The following INO80 variants were observed in gnomAD, a reference collection of about 807,000 sequenced individuals.
INO80 encodes the protein chromatin-remodeling ATPase INO80.
INO80 carries 20 observed loss-of-function variants against 203.4 expected under a neutral mutation model. The ratio of observed to expected loss-of-function variants is 0.10; its 90% confidence interval spans 0.07 to 0.14. INO80 has a LOEUF of 0.14. Among genes scored for constraint, INO80 ranks in the 10% least tolerant of loss-of-function variants. The pLI, the probability that INO80 is intolerant of heterozygous loss-of-function variation, is 1.00. For synonymous variants in INO80, 726 were observed against 685.2 expected, an observed-to-expected ratio of 1.06 and a Z score of -0.93; for missense variants, 1,419 against 1,914.4, an observed-to-expected ratio of 0.74 and a Z score of 4.83.
chr15:41,007,464 T>TG (rs2044063547), intron 27 of INO80, among the ~76,000 whole-genome samples: 1 of 152,096 alleles, frequency 6.6e-6, no homozygotes, highest in South Asian at 2.1e-4. Flanking sequence ...ATTACAGGTG[T>TG]GACCCACTGA....
intron 16 of INO80, among the ~76,000 whole-genome samples, chr15:41,057,535 G>A (rs1256997710): frequency 1.3e-5 from 2 of 151,410 alleles, no homozygotes; most frequent in African/African-American, 4.9e-5. Flanking sequence ...AAGGGCTCAC[G>A]CCTGTAATCC....
rs193233758 is a variant in INO80, at chr15:41,045,092, C to G, written c.2736-17G>C. The stretch of plus-strand genomic sequence containing the variant: ...GCTAACCATCTGAAACAAACCACAG[C>G]AGACACGCTTATTCAGTGCTCCATG... On this transcript the variant is annotated splice_polypyrimidine_tract_variant and intron_variant, in intron 23 of 35. Coordinates refer to ENST00000648947, the MANE Select transcript of INO80 (RefSeq NM_017553.3). 5.0e-6 allele frequency: 8 copies of G among 1,589,418 alleles called. No individual in the cohort carries two copies. The highest frequency in any genetic ancestry group is 5.1e-6 in the Non-Finnish European group (6 of 1,172,576).
chr15:41,018,229 T>C (rs1466298835), intron 26 of INO80: 4 of 152,204 alleles, frequency 2.6e-5, no homozygotes, highest in Non-Finnish European at 5.9e-5. Flanking sequence ...CATTTAGATA[T>C]ACTCTCTTAG....
At chr15:40,993,575 G>A (rs1365270890) in intron 29 of INO80, among the ~76,000 whole-genome samples, 3 of 151,816 alleles carry the variant, frequency 2.0e-5, no homozygotes, top group Non-Finnish European at 4.4e-5. Context: ...CCTGGCCAAC[G>A]TGGTAAAACC....
chr15:41,023,629 C>T (rs542375689), intron 25 of INO80, among the ~76,000 whole-genome samples: 3 of 151,702 alleles, frequency 2.0e-5, no homozygotes, highest in South Asian at 2.1e-4. Flanking sequence ...ATTAGCTGGG[C>T]ATGGTGGTGC....
rs1367403040 is a variant in INO80 at position 40,979,199 on chromosome 15, G to T, written c.*1024C>A. The T allele has an allele frequency of 6.6e-6, 1 of 152,564 alleles. No individual in the cohort carries two copies. Among genetic ancestry groups the T allele is most frequent in the African/African-American group, 2.4e-5 (1 of 41,406 alleles). 9.5% of individuals were successfully genotyped at this position (152,564 alleles called of 1,614,324 possible). On this transcript the variant is annotated 3_prime_UTR_variant, in exon 36 of 36. Transcript: ENST00000648947. Reference sequence around the variant, plus strand: ...AAATCAGAGGCTTGCCCGCCCGGAGGTACCTGCTCCACCAGGGACATCAGG... The same window carrying T: ...AAATCAGAGGCTTGCCCGCCCGGAGTTACCTGCTCCACCAGGGACATCAGG...
intron 17 of INO80, 104 bp from the exon 18 acceptor site, chr15:41,055,468 C>G: frequency 1.9e-6 from 1 of 529,768 alleles, no homozygotes; most frequent in Non-Finnish European, 3.3e-6. Flanking sequence ...GTGTAAGTGC[C>G]TAGATGCATG....
chr15:40,984,632 GA>G (rs5812178), intron 32 of INO80, among the ~76,000 whole-genome samples: 67,568 of 132,812 alleles, frequency 0.51, 16,417 homozygotes, highest in East Asian at 0.68. Flanking sequence ...CAGCTCAAAA[GA>G]AAAAAAAAAA....
intron 23 of INO80, among the ~76,000 whole-genome samples, chr15:41,045,932 A>G (rs2044750589): frequency 6.6e-6 from 1 of 151,600 alleles, no homozygotes; most frequent in African/African-American, 2.4e-5. Flanking sequence ...CATATTAAGG[A>G]GATAACCATT....
chr15:41,009,231 CTTT>C (rs11392141), intron 27 of INO80, among the ~76,000 whole-genome samples: 4 of 147,770 alleles, frequency 2.7e-5, no homozygotes, highest in African/African-American at 7.4e-5. Context: ...TTATACTGTT[CTTT>C]TTTTTTTTTT....
chr15:41,027,293 T>A (rs991778000), intron 25 of INO80, among the ~76,000 whole-genome samples: 2 of 152,144 alleles, frequency 1.3e-5, no homozygotes, highest in East Asian at 1.9e-4. Flanking sequence ...CCGACCCTGC[T>A]ATTGGGTGAT....
At chr15:41,087,501 G>A in intron 6 of INO80, 61 bp downstream of exon 6, 1 of 1,573,526 alleles carries the variant, frequency 6.4e-7, no homozygotes, top group Non-Finnish European at 8.7e-7. Flanking sequence ...TGCACCAGTA[G>A]GCCACATGCA....
intron 24 of INO80, among the ~76,000 whole-genome samples, chr15:41,036,857 C>T (rs1461950412): frequency 6.6e-6 from 1 of 151,948 alleles, no homozygotes; most frequent in Non-Finnish European, 1.5e-5. Context: ...CGAGGCAGGC[C>T]AGTTACTTGA....
rs1238896221 is a variant in INO80, at chr15:41,110,390, G to A, written c.-44+5583C>T. Among the ~76,000 whole-genome samples the A allele has an allele frequency of 5.9e-5, 9 of 151,814 alleles. No homozygotes were observed. The East Asian group carries it at 7.8e-4, about 13-fold the overall frequency. Reference sequence around the variant, plus strand: ...GATCTCTTGACGTCATGATCCACCCGCCTCAGCCTCCCAAAGTGCTGGGAT... The same window carrying A: ...GATCTCTTGACGTCATGATCCACCCACCTCAGCCTCCCAAAGTGCTGGGAT... On this transcript the variant is annotated intron_variant, in intron 1 of 35. Coordinates refer to ENST00000648947, the MANE Select transcript of INO80 (RefSeq NM_017553.3).
At chr15:41,088,536 C>CAGAATTATTATAAA (rs2045592975) in intron 5 of INO80, among the ~76,000 whole-genome samples, 1 of 152,144 alleles carries the variant, frequency 6.6e-6, no homozygotes, top group Non-Finnish European at 1.5e-5. Context: ...TAAATAGTGC[C>CAGAATTATTATAAA]TACATTGCCA....
At chr15:41,114,216 G>A (rs1020586446) in intron 1 of INO80, among the ~76,000 whole-genome samples, 18 of 151,170 alleles carry the variant, frequency 1.2e-4, no homozygotes, top group African/African-American at 4.9e-5. Flanking sequence ...GCAGTGAGCC[G>A]AGATCACGCC....
In INO80 at chr15:41,092,157, C is replaced by A. The variant is rs757182965; in HGVS notation, c.407G>T (p.Ser136Ile). The A allele has an allele frequency of 3.1e-6, 5 of 1,607,360 alleles. No individual in the cohort carries two copies. The highest frequency in any genetic ancestry group is 4.3e-6 in the Non-Finnish European group (5 of 1,174,572). The stretch of plus-strand genomic sequence containing the variant: ...GTCTTCACTCTGAGAATCAGCCTCG[C>A]TGGATTCATCACTTAGCAGAATGCT... ...LKSILLSDESSEADSQSEDDD... is the reference protein window; with the variant it reads ...LKSILLSDESIEADSQSEDDD... The change falls in exon 5 of 36, where the codon AGC becomes ATC. Residue 136 changes from serine to isoleucine, a missense_variant. This residue lies in a region of INO80 where 323 missense variants were observed against 325.4 expected (regional missense o/e 0.99). Coordinates refer to ENST00000648947, the MANE Select transcript of INO80 (RefSeq NM_017553.3).
chr15:41,060,259 T>C (rs1191944021), intron 14 of INO80, among the ~76,000 whole-genome samples: 1 of 152,006 alleles, frequency 6.6e-6, no homozygotes, highest in Non-Finnish European at 1.5e-5. Flanking sequence ...AAGTTCTAGT[T>C]GAGAGGGTAA....
chr15:41,095,156 T>C (rs1041451899), intron 4 of INO80, among the ~76,000 whole-genome samples: 2 of 151,964 alleles, frequency 1.3e-5, no homozygotes, highest in Admixed American at 6.6e-5. Context: ...CTAGCTAACA[T>C]GGTGAAACCC....
Sources: allele counts gnomAD v4.1 joint callset (sites outside exome capture counted in the v4.1 genomes callset), GRCh38; gene constraint gnomAD v4.1.1; regional missense constraint gnomAD v4.1.1; transcripts MANE v1.5; gene names NCBI Gene and HGNC (gene_info 2026-07-23, HGNC 2026-07-21).